The following CDIN1 variants were observed in gnomAD, a reference collection of about 807,000 sequenced individuals.
The protein encoded by CDIN1 is CDAN1 interacting nuclease 1, also known as CDAN1-interacting nuclease 1.
In CDIN1, 33 loss-of-function variants were observed where a neutral mutation model predicts 45.3. That is an observed-to-expected ratio of 0.73 (90% CI 0.55 to 0.97). The LOEUF is 0.97. Among genes scored for constraint, CDIN1 ranks in the 50% least tolerant of loss-of-function variants. CDIN1 has a pLI of 0.00. For missense variants in CDIN1, 303 were observed against 339.4 expected, an observed-to-expected ratio of 0.89 and a Z score of 0.84; for synonymous variants, 118 against 124.4, an observed-to-expected ratio of 0.95 and a Z score of 0.34.
At chr15:36,776,282 A>G (rs2054214922) in intron 10 of CDIN1, among the ~76,000 whole-genome samples, 1 of 152,172 alleles carries the variant, frequency 6.6e-6, no homozygotes, top group Admixed American at 6.5e-5. Flanking sequence ...TGTATTGGAG[A>G]GAATATTCAG....
At chr15:36,612,755 G>T (rs1301203977) in intron 1 of CDIN1, among the ~76,000 whole-genome samples, 1 of 152,160 alleles carries the variant, frequency 6.6e-6, no homozygotes, top group Non-Finnish European at 1.5e-5. Context: ...TATCTTCTTG[G>T]ATGTTGTAAA....
At chr15:36,684,973 T>C (rs1321748885) in intron 5 of CDIN1, among the ~76,000 whole-genome samples, 3 of 151,972 alleles carry the variant, frequency 2.0e-5, no homozygotes, top group Non-Finnish European at 4.4e-5. Flanking sequence ...TCTCTCTTTT[T>C]TTCTTTATTA....
At chr15:36,700,113 T>A (rs1675268182) in intron 8 of CDIN1, among the ~76,000 whole-genome samples, 1 of 152,224 alleles carries the variant, frequency 6.6e-6, no homozygotes, top group African/African-American at 2.4e-5. Flanking sequence ...AAGCTACCAA[T>A]GAACACAGAT....
At chr15:36,693,385 C>T (rs912132598) in intron 7 of CDIN1, among the ~76,000 whole-genome samples, 1 of 152,124 alleles carries the variant, frequency 6.6e-6, no homozygotes, top group African/African-American at 2.4e-5. Flanking sequence ...TGAAATTGTA[C>T]TTCTATATTC....
intron 10 of CDIN1, among the ~76,000 whole-genome samples, chr15:36,782,772 A>T (rs1384317694): frequency 2.6e-5 from 4 of 152,202 alleles, no homozygotes; most frequent in African/African-American, 9.6e-5. Context: ...AACACTAAAC[A>T]CAATAGCCAT....
chr15:36,618,229 T>C, intron 1 of CDIN1: 1 of 676,026 alleles, frequency 1.5e-6, no homozygotes, highest in South Asian at 1.7e-5. Flanking sequence ...TTTTAGGTCA[T>C]CCAGTGGTTC....
chr15:36,778,678 G>A (rs1404957825), intron 10 of CDIN1, among the ~76,000 whole-genome samples: 2 of 152,156 alleles, frequency 1.3e-5, no homozygotes, highest in East Asian at 3.8e-4. Flanking sequence ...TTTTAGGGGT[G>A]GGAGGGGAGA....
chr15:36,666,194 T>TC (rs755541469), intron 5 of CDIN1, among the ~76,000 whole-genome samples: 3 of 152,206 alleles, frequency 2.0e-5, no homozygotes, highest in Non-Finnish European at 4.4e-5. Flanking sequence ...TGCCTGAGCC[T>TC]ATCAGACACA....
intron 10 of CDIN1, among the ~76,000 whole-genome samples, chr15:36,725,563 A>G (rs2043593461): frequency 1.3e-5 from 2 of 152,194 alleles, no homozygotes; most frequent in South Asian, 2.1e-4. Context: ...CTGAAGTGCA[A>G]GATTAATGTA....
chr15:36,718,949 A>C (rs929072472), intron 10 of CDIN1, among the ~76,000 whole-genome samples: 5 of 151,628 alleles, frequency 3.3e-5, no homozygotes, highest in African/African-American at 1.2e-4. Flanking sequence ...AGGGGTGAGC[A>C]CAAGTGACTT....
At chr15:36,642,680 C>G (rs2040158192) in intron 1 of CDIN1, among the ~76,000 whole-genome samples, 1 of 152,240 alleles carries the variant, frequency 6.6e-6, no homozygotes, top group East Asian at 1.9e-4. Flanking sequence ...TCTTCCCATT[C>G]TGGGCATCTA....
chr15:36,682,323 C>T (rs2041878641), intron 5 of CDIN1, among the ~76,000 whole-genome samples: 1 of 152,080 alleles, frequency 6.6e-6, no homozygotes, highest in Non-Finnish European at 1.5e-5. Context: ...GTTTCAGCTC[C>T]AAGGCAGAAA....
At chr15:36,645,333 T>C in intron 3 of CDIN1, 46 bp downstream of exon 3, 1 of 1,359,764 alleles carries the variant, frequency 7.4e-7, no homozygotes, top group South Asian at 1.4e-5. Context: ...TACCTATTAA[T>C]TGTAATAATA....
At chr15:36,699,813 A>G (rs2042567880) in intron 8 of CDIN1, among the ~76,000 whole-genome samples, 1 of 152,206 alleles carries the variant, frequency 6.6e-6, no homozygotes, top group Non-Finnish European at 1.5e-5. Context: ...GCCAGGAACT[A>G]TAGGAAAGAA....
At chr15:36,709,188 G>C in intron 8 of CDIN1, 35 bp from the exon 9 acceptor site, 2 of 1,541,812 alleles carry the variant, frequency 1.3e-6, no homozygotes, top group Non-Finnish European at 1.8e-6. Context: ...TAATTGAATA[G>C]TGTTTTAAGT....
At position 36,664,691 on chromosome 15, in the gene CDIN1, C is replaced by T. The variant is rs183575530; in HGVS notation, c.346+6786C>T. Among the ~76,000 whole-genome samples the T allele has an allele frequency of 4.7e-4, 72 of 152,222 alleles. 1 individual carries two copies. The East Asian group carries it at 0.012, about 26-fold the overall frequency. ...CCTCCCAAGTAGCTGGGATTACAGG[C>T]GCCCACCACCACGCTTGGCTAATTT... On this transcript the variant is annotated intron_variant, in intron 5 of 10. Transcript: ENST00000566621.
intron 10 of CDIN1, among the ~76,000 whole-genome samples, chr15:36,773,257 A>G (rs559373092): frequency 6.6e-5 from 10 of 152,324 alleles, no homozygotes; most frequent in African/African-American, 2.2e-4. Flanking sequence ...TATTGGTCCC[A>G]TGGTGGATGG....
At chr15:36,668,945 TA>T (rs1309719242) in intron 5 of CDIN1, 1 of 152,144 alleles carries the variant, frequency 6.6e-6, no homozygotes, top group African/African-American at 2.4e-5. Flanking sequence ...ATTTTTATAG[TA>T]ATAGGCAGTA....
chr15:36,787,720 GAGAT>G (rs1354461888), intron 10 of CDIN1, among the ~76,000 whole-genome samples: 3 of 151,166 alleles, frequency 2.0e-5, no homozygotes, highest in African/African-American at 4.9e-5. Flanking sequence ...TCGTACTATA[GAGAT>G]AGTCTATTCT....
Sources: allele counts gnomAD v4.1 joint callset (sites outside exome capture counted in the v4.1 genomes callset), GRCh38; gene constraint gnomAD v4.1.1; transcripts MANE v1.5; gene names NCBI Gene and HGNC (gene_info 2026-07-23, HGNC 2026-07-21).